The following FILIP1L variants were observed in gnomAD, a reference collection of about 807,000 sequenced individuals.
FILIP1L encodes filamin A-interacting protein 1-like.
In FILIP1L, 55 loss-of-function variants were observed where a neutral mutation model predicts 96.6. That is an observed-to-expected ratio of 0.57 (90% CI 0.46 to 0.71). The LOEUF (loss-of-function observed/expected upper bound fraction) is 0.71, where lower values mean the gene tolerates loss of function less well. Ranked by LOEUF, FILIP1L falls within the 30% of genes least tolerant of loss-of-function variation. FILIP1L has a pLI of 0.00. For synonymous variants in FILIP1L, 467 were observed against 473.9 expected, an observed-to-expected ratio of 0.99 and a Z score of 0.19; for missense variants, 1,304 against 1,321.2, an observed-to-expected ratio of 0.99 and a Z score of 0.20.
intron 4 of FILIP1L, among the ~76,000 whole-genome samples, chr3:99,900,852 C>G (rs914730047): frequency 2.0e-5 from 3 of 152,164 alleles, no homozygotes; most frequent in African/African-American, 7.2e-5. Context: ...TCTGGTGATT[C>G]TTACATGTAG....
At chr3:100,049,806 C>T (rs943297019) in intron 1 of FILIP1L, among the ~76,000 whole-genome samples, 1 of 152,184 alleles carries the variant, frequency 6.6e-6, no homozygotes, top group African/African-American at 2.4e-5. Flanking sequence ...TGTAAGACTA[C>T]TGTTTATAAT....
chr3:100,112,020 C>T (rs916646780), intron 1 of FILIP1L, among the ~76,000 whole-genome samples: 1 of 152,106 alleles, frequency 6.6e-6, no homozygotes, highest in Non-Finnish European at 1.5e-5. Context: ...TCCCAATAAC[C>T]AGCACGGGGC....
chr3:99,908,475 T>C (rs539601818), intron 4 of FILIP1L, among the ~76,000 whole-genome samples: 6 of 152,320 alleles, frequency 3.9e-5, no homozygotes, highest in African/African-American at 1.2e-4. Flanking sequence ...CCCAGGAATC[T>C]ATACTTTTAA....
chr3:100,114,030 A>C (rs1398101868), intron 1 of FILIP1L, 23 bp downstream of exon 1: 2 of 152,184 alleles, frequency 1.3e-5, no homozygotes, highest in Non-Finnish European at 2.9e-5. Context: ...TCTTCTCAGC[A>C]AGGATGGGGA....
At chr3:99,989,306 T>C in intron 1 of FILIP1L, among the ~76,000 whole-genome samples, 1 of 152,236 alleles carries the variant, frequency 6.6e-6, no homozygotes, top group East Asian at 1.9e-4. Flanking sequence ...CTTGACTGCA[T>C]GTCTAGGATT....
chr3:100,019,999 T>C (rs1447212499), intron 1 of FILIP1L, among the ~76,000 whole-genome samples: 1 of 152,202 alleles, frequency 6.6e-6, no homozygotes, highest in African/African-American at 2.4e-5. Flanking sequence ...AATTTTATTT[T>C]CTGAGTAATA....
intron 1 of FILIP1L, among the ~76,000 whole-genome samples, chr3:100,033,232 TG>T (rs1245491954): frequency 5.3e-5 from 8 of 152,238 alleles, no homozygotes; most frequent in Admixed American, 2.0e-4. Flanking sequence ...TTGTGGTTTA[TG>T]TGTCCATTGA....
chr3:100,054,419 A>G (rs2065425656), intron 1 of FILIP1L, among the ~76,000 whole-genome samples: 1 of 152,164 alleles, frequency 6.6e-6, no homozygotes, highest in South Asian at 2.1e-4. Flanking sequence ...TGTCCCGTCA[A>G]GTGGAGCACG....
At chr3:99,884,544 C>T (rs899458226) in intron 4 of FILIP1L, among the ~76,000 whole-genome samples, 3 of 152,298 alleles carry the variant, frequency 2.0e-5, no homozygotes, top group Non-Finnish European at 4.4e-5. Context: ...GTCACTCTGC[C>T]TACCTGCTGT....
At chr3:99,962,271 C>T (rs962507302) in intron 1 of FILIP1L, among the ~76,000 whole-genome samples, 1 of 152,002 alleles carries the variant, frequency 6.6e-6, no homozygotes, top group Non-Finnish European at 1.5e-5. Context: ...GGGCAGAAAC[C>T]AGGGCTAACA....
chr3:99,999,637 AGCGCT>A (rs1293331093), intron 1 of FILIP1L, among the ~76,000 whole-genome samples: 1 of 152,214 alleles, frequency 6.6e-6, no homozygotes, highest in African/African-American at 2.4e-5. Flanking sequence ...CTTTTCAGTC[AGCGCT>A]TTGCTAAACA....
At chr3:100,048,468 C>CCACACG (rs2065313368) in intron 1 of FILIP1L, among the ~76,000 whole-genome samples, 1 of 152,106 alleles carries the variant, frequency 6.6e-6, no homozygotes, top group Non-Finnish European at 1.5e-5. Context: ...CCGAGGCAAG[C>CCACACG]TGTGACACGG....
At chr3:100,014,904 T>C (rs1441159699) in intron 1 of FILIP1L, among the ~76,000 whole-genome samples, 1 of 143,028 alleles carries the variant, frequency 7.0e-6, no homozygotes, top group Non-Finnish European at 1.5e-5. Flanking sequence ...TCTTTTTTTT[T>C]TTTTTTTTTT....
At chr3:99,976,100 G>T (rs1708962633) in intron 1 of FILIP1L, among the ~76,000 whole-genome samples, 1 of 152,020 alleles carries the variant, frequency 6.6e-6, no homozygotes, top group South Asian at 2.1e-4. Context: ...TTCCAGGCTG[G>T]TCTCGAACTT....
chr3:100,082,231 A>G (rs1296232215), intron 1 of FILIP1L, among the ~76,000 whole-genome samples: 2 of 152,242 alleles, frequency 1.3e-5, no homozygotes, highest in Non-Finnish European at 2.9e-5. Context: ...TGCTGCATAG[A>G]ATTCATAGAA....
intron 4 of FILIP1L, among the ~76,000 whole-genome samples, chr3:99,875,368 A>G (rs955937400): frequency 6.6e-6 from 1 of 152,216 alleles, no homozygotes; most frequent in Non-Finnish European, 1.5e-5. Context: ...CATTTTTTAC[A>G]TAATATACTA....
chr3:99,898,921 C>T (rs1427095564), intron 4 of FILIP1L, among the ~76,000 whole-genome samples: 6 of 152,002 alleles, frequency 3.9e-5, no homozygotes, highest in African/African-American at 1.2e-4. Flanking sequence ...AAGCTCTAAT[C>T]GAAGTTTAGC....
chr3:99,916,865 G>A (rs1033178482), intron 4 of FILIP1L, among the ~76,000 whole-genome samples: 3 of 152,200 alleles, frequency 2.0e-5, no homozygotes, highest in African/African-American at 7.2e-5. Flanking sequence ...GGCCAAAGCT[G>A]TTTGGCTTCA....
At chr3:99,971,428 T>C (rs2107717780) in intron 1 of FILIP1L, among the ~76,000 whole-genome samples, 1 of 151,080 alleles carries the variant, frequency 6.6e-6, no homozygotes, top group South Asian at 2.1e-4. Flanking sequence ...AGATGAGGAG[T>C]CCTCTTTTCT....
Sources: allele counts gnomAD v4.1 joint callset (sites outside exome capture counted in the v4.1 genomes callset), GRCh38; gene constraint gnomAD v4.1.1; transcripts MANE v1.5; gene names NCBI Gene and HGNC (gene_info 2026-07-23, HGNC 2026-07-21).